NLGN4X: variants seen among roughly 807,000 people sequenced by gnomAD.
NLGN4X encodes neuroligin-4, X-linked.
In NLGN4X, 3 loss-of-function variants were observed where a neutral mutation model predicts 40.3. The ratio of observed to expected loss-of-function variants is 0.07; its 90% CI spans 0.03 to 0.19. The LOEUF is 0.19. Among genes scored for constraint, NLGN4X ranks in the 10% least tolerant of loss-of-function variants. NLGN4X has a pLI of 1.00. For missense variants in NLGN4X, 382 were observed against 708.3 expected (o/e 0.54, Z 5.23); for synonymous variants, 270 against 306.8 (o/e 0.88, Z 1.25).
chrX:6,018,439 C>T (rs1436799982), intron 3 of NLGN4X, among the ~76,000 whole-genome samples: 1 of 111,918 alleles, frequency 8.9e-6, no homozygotes, highest in East Asian at 2.8e-4. Context: ...GTGTACAAAT[C>T]GTAGTGTTTC....
intron 3 of NLGN4X, among the ~76,000 whole-genome samples, chrX:5,964,828 T>C (rs778262119): frequency 1.1e-3 from 129 of 112,445 alleles, no homozygotes; most frequent in Non-Finnish European, 1.4e-3. Flanking sequence ...ATGCTTTTTA[T>C]CTTAAATGTG....
chrX:6,211,792 C>T lies in NLGN4X; in HGVS notation c.-306+16749G>A, dbSNP rs145202208. 7.0e-3 allele frequency among the ~76,000 whole-genome samples: 788 copies of T among 111,878 alleles called. 6 individuals carry two copies. The highest frequency in any genetic ancestry group is 0.023 in the African/African-American group (719 of 30,835). On this transcript the variant is annotated intron_variant, in intron 1 of 5. Transcript: ENST00000381095. The stretch of plus-strand genomic sequence containing the variant: ...AATTATCATCTGTGTTTAAAATATT[C>T]ACAAAATCCCTTGAACAAACTATAC...
At chrX:5,949,408 T>C (rs983997133) in intron 3 of NLGN4X, among the ~76,000 whole-genome samples, 8 of 111,583 alleles carry the variant, frequency 7.2e-5, no homozygotes, top group Admixed American at 4.8e-4. Context: ...GACTGTCTTA[T>C]CCACTGAAGA....
At chrX:6,005,524 C>G (rs1419189523) in intron 3 of NLGN4X, among the ~76,000 whole-genome samples, 2 of 111,206 alleles carry the variant, frequency 1.8e-5, no homozygotes, top group Non-Finnish European at 3.8e-5. Flanking sequence ...TGTTGGGACT[C>G]ATAAACCCAT....
At chrX:5,946,114 C>T (rs994629972) in intron 3 of NLGN4X, among the ~76,000 whole-genome samples, 2 of 111,556 alleles carry the variant, frequency 1.8e-5, no homozygotes, top group Non-Finnish European at 3.8e-5. Context: ...AGATGAAAGA[C>T]TCTTTGTCAT....
At chrX:6,225,891 G>C (rs1469113281) in intron 1 of NLGN4X, among the ~76,000 whole-genome samples, 11 of 59,873 alleles carry the variant, frequency 1.8e-4, no homozygotes, top group African/African-American at 4.9e-4. Flanking sequence ...ACAAACCACC[G>C]CCCCCCCCAA....
chrX:6,118,900 T>A (rs2039359166), intron 2 of NLGN4X, among the ~76,000 whole-genome samples: 1 of 111,426 alleles, frequency 9.0e-6, no homozygotes, highest in Admixed American at 9.6e-5. Flanking sequence ...GCATCAAGGA[T>A]TCTACAACTC....
rs372481755 is a variant in NLGN4X, at chrX:6,151,507, G to T, written c.-41C>A. 8.9e-7 allele frequency: 1 copy of T among 1,127,379 alleles called. No homozygotes were observed. The highest frequency in any genetic ancestry group is 1.2e-6 in the Non-Finnish European group (1 of 821,365). 92.9% of individuals were successfully genotyped at this position (1,127,379 alleles called of 1,213,427 possible). On this transcript the variant is annotated 5_prime_UTR_variant, in exon 2 of 6. Transcript: ENST00000381095. ...CCACATCCACAGCTGTCCCAGTGAT[G>T]TGGCTCCAAGGAGACAAAGCCCAGA...
At chrX:6,021,977 A>T (rs2036571255) in intron 3 of NLGN4X, among the ~76,000 whole-genome samples, 1 of 111,648 alleles carries the variant, frequency 9.0e-6, no homozygotes, top group Non-Finnish European at 1.9e-5. Flanking sequence ...CCTGGGTTTG[A>T]GTGCTCACAC....
At chrX:5,897,567 T>A in intron 5 of NLGN4X, among the ~76,000 whole-genome samples, 1 of 112,017 alleles carries the variant, frequency 8.9e-6, no homozygotes, top group Non-Finnish European at 1.9e-5. Flanking sequence ...TGACCTGGAC[T>A]AACATTGAAA....
chrX:5,950,827 C>T (rs766379885), intron 3 of NLGN4X, among the ~76,000 whole-genome samples: 1 of 111,596 alleles, frequency 9.0e-6, no homozygotes, highest in South Asian at 3.8e-4. Context: ...ACTATGGAAG[C>T]GGCTGGAATA....
At chrX:6,105,881 AG>A (rs2039020769) in intron 2 of NLGN4X, among the ~76,000 whole-genome samples, 1 of 111,839 alleles carries the variant, frequency 8.9e-6, no homozygotes, top group Non-Finnish European at 1.9e-5. Flanking sequence ...CATGAGGTCC[AG>A]ACTAACACAT....
chrX:5,929,491 C>T (rs897143394), intron 3 of NLGN4X, among the ~76,000 whole-genome samples: 1 of 110,966 alleles, frequency 9.0e-6, no homozygotes, highest in African/African-American at 3.3e-5. Flanking sequence ...TATGTGTATA[C>T]GCATCTTATA....
chrX:6,109,428 T>C (rs12835663), intron 2 of NLGN4X, among the ~76,000 whole-genome samples: 19,145 of 111,745 alleles, frequency 0.17, 1,404 homozygotes, highest in Admixed American at 0.25. Context: ...GTCAAAACTA[T>C]GAGCAGATTG....
chrX:6,106,302 G>A (rs1248054457), intron 2 of NLGN4X, among the ~76,000 whole-genome samples: 1 of 111,208 alleles, frequency 9.0e-6, no homozygotes, highest in East Asian at 2.8e-4. Context: ...ACCAGTCCTA[G>A]AACAGTAAAC....
chrX:6,146,330 C>A (rs1195957406), intron 2 of NLGN4X, among the ~76,000 whole-genome samples: 1 of 111,508 alleles, frequency 9.0e-6, no homozygotes, highest in African/African-American at 3.3e-5. Context: ...CCCATATATT[C>A]TTCATGGCAC....
At chrX:5,929,188 C>G (rs767614888) in intron 3 of NLGN4X, among the ~76,000 whole-genome samples, 3 of 111,676 alleles carry the variant, frequency 2.7e-5, no homozygotes, top group African/African-American at 9.8e-5. Flanking sequence ...GCCGGCTTGG[C>G]GTGGTGGCTC....
intron 3 of NLGN4X, among the ~76,000 whole-genome samples, chrX:5,921,298 G>C (rs1349889893): frequency 9.5e-6 from 1 of 105,397 alleles, no homozygotes. Context: ...AGATTCAAAT[G>C]AAAACATATT....
intron 2 of NLGN4X, among the ~76,000 whole-genome samples, chrX:6,129,782 C>A (rs1288324596): frequency 1.0e-5 from 1 of 97,535 alleles, no homozygotes; most frequent in African/African-American, 3.6e-5. Flanking sequence ...AGCCAGACTC[C>A]TTTTTTATAG....
Sources: allele counts gnomAD v4.1 joint callset (sites outside exome capture counted in the v4.1 genomes callset), GRCh38; gene constraint gnomAD v4.1.1; transcripts MANE v1.5; gene names NCBI Gene and HGNC (gene_info 2026-07-23, HGNC 2026-07-21).